The following ATP6V0A4 variants were observed in gnomAD, a reference collection of about 807,000 sequenced individuals.
ATP6V0A4 encodes the protein ATPase H+ transporting V0 subunit a4, also known as V-type proton ATPase 116 kDa subunit a 4.
A neutral mutation model predicts 107.3 loss-of-function variants in ATP6V0A4; 86 were observed. The ratio of observed to expected loss-of-function variants is 0.80; its 90% CI spans 0.67 to 0.96. The LOEUF (loss-of-function observed/expected upper bound fraction) is 0.96, where lower values mean the gene tolerates loss of function less well. ATP6V0A4 is among the 40% of genes least tolerant of loss of function. The pLI is 0.00. For missense variants in ATP6V0A4, 908 were observed against 1,045.6 expected (o/e 0.87, Z 1.81); for synonymous variants, 353 against 381.4 (o/e 0.93, Z 0.87).
At chr7:138,760,775 C>G (rs902656492) in intron 7 of ATP6V0A4, among the ~76,000 whole-genome samples, 1 of 152,008 alleles carries the variant, frequency 6.6e-6, no homozygotes, top group Non-Finnish European at 1.5e-5. Flanking sequence ...AAATATCAGG[C>G]CCTCAAATAT....
intron 15 of ATP6V0A4, among the ~76,000 whole-genome samples, chr7:138,738,672 A>G (rs903762740): frequency 1.3e-5 from 2 of 152,196 alleles, no homozygotes; most frequent in African/African-American, 4.8e-5. Context: ...ATGTTTTTAT[A>G]AGGGCAGGGA....
chr7:138,762,359 A>T lies in ATP6V0A4; in HGVS notation c.493T>A (p.Tyr165Asn), dbSNP rs777658246. 6.2e-7 allele frequency: 1 copy of T among 1,614,194 alleles called. No homozygotes were observed. Among genetic ancestry groups the T allele is most frequent in the Admixed American group, 1.7e-5 (1 of 60,016 alleles). ...GLLELKAVPAYMTGKLGFIAG... is the reference protein window; with the variant it reads ...GLLELKAVPANMTGKLGFIAG... ...ACTAACCCCAACTTTCCGGTCATAT[A>T]TGCAGGCACTGCTTTCAACTCCAGG... Residue 165 changes from tyrosine to asparagine, a missense_variant, in exon 7 of 22, where the codon TAT becomes AAT. Tyr to Asn is a moderately radical substitution (Grantham distance 143). Transcript: ENST00000310018.
intron 13 of ATP6V0A4, among the ~76,000 whole-genome samples, chr7:138,745,669 A>AAAAAAAAAAAAAAAAAAAAAAAAAAAC (rs1805885225): frequency 1.4e-5 from 2 of 141,376 alleles, no homozygotes; most frequent in East Asian, 2.2e-4. Flanking sequence ...AAAAAAAAAA[A>AAAAAAAAAAAAAAAAAAAAAAAAAAAC]AAGGCCGGGT....
At chr7:138,733,922 A>T (rs554161532) in intron 16 of ATP6V0A4, among the ~76,000 whole-genome samples, 2 of 152,072 alleles carry the variant, frequency 1.3e-5, no homozygotes, top group African/African-American at 4.8e-5. Context: ...CCAGAGGAGC[A>T]CTTACCTTGG....
intron 18 of ATP6V0A4, among the ~76,000 whole-genome samples, chr7:138,723,528 T>TC (rs1804546906): frequency 2.6e-5 from 2 of 75,904 alleles, no homozygotes; most frequent in South Asian, 6.7e-4. Context: ...CTTTTCTTTT[T>TC]TTTTTTTTTT....
In ATP6V0A4 at chr7:138,752,782, T is replaced by G. The variant is rs761020690; in HGVS notation, c.872A>C (p.Asn291Thr). 3 of 1,614,198 alleles carry G rather than the reference T, an allele frequency of 1.9e-6. No homozygotes were observed. The Admixed American group carries it at 5.0e-5, about 27-fold the overall frequency. The change falls in exon 11 of 22, where the codon AAC becomes ACC. Residue 291 changes from asparagine (N) to threonine (T), a missense_variant. Transcript: ENST00000310018. ...RQRLLQEAAA[N>T]WHSWLIKVQK... is the part of the protein sequence containing the mutation. ...CACCTTGATGAGCCAGGAGTGCCAG[T>G]TGGCAGCGGCTTCCTGCAGCAGGCG...
rs963239236 is a variant in ATP6V0A4, at chr7:138,725,600, C to T, written c.2010+3161G>A. On this transcript the variant is annotated intron_variant, in intron 18 of 21. Transcript: ENST00000310018. The stretch of plus-strand genomic sequence containing the variant: ...CGATCTCAGCTCACTGCCATCTCCA[C>T]CTCTCAGGTTCAAGCAATTCTCCTG... Among the ~76,000 whole-genome samples, 6 of 152,194 alleles carry T rather than the reference C, an allele frequency of 3.9e-5. No homozygotes were observed. The East Asian group carries it at 9.7e-4, about 25-fold the overall frequency.
chr7:138,747,871 C>A (rs1388734276), intron 12 of ATP6V0A4, among the ~76,000 whole-genome samples: 2 of 152,152 alleles, frequency 1.3e-5, no homozygotes, highest in Non-Finnish European at 2.9e-5. Flanking sequence ...CCTCCCACCT[C>A]AGCCTCTTGA....
intron 2 of ATP6V0A4, among the ~76,000 whole-genome samples, chr7:138,782,982 G>C (rs563476048): frequency 1.4e-4 from 21 of 152,294 alleles, no homozygotes; most frequent in Middle Eastern, 6.8e-3. Flanking sequence ...GGCTGAGGAA[G>C]GAGAATTGCT....
At chr7:138,774,950 ATTTC>A (rs1807590641) in intron 2 of ATP6V0A4, among the ~76,000 whole-genome samples, 1 of 151,900 alleles carries the variant, frequency 6.6e-6, no homozygotes, top group East Asian at 1.9e-4. Context: ...GTCTTTTCCT[ATTTC>A]TTTGACAGAG....
chr7:138,743,872 C>A (rs1805767771), intron 14 of ATP6V0A4, among the ~76,000 whole-genome samples: 1 of 152,154 alleles, frequency 6.6e-6, no homozygotes, highest in African/African-American at 2.4e-5. Context: ...AGATCACCCC[C>A]AAAATCAAGA....
chr7:138,789,091 C>T (rs1168814097), intron 1 of ATP6V0A4, among the ~76,000 whole-genome samples: 1 of 152,138 alleles, frequency 6.6e-6, no homozygotes, highest in Non-Finnish European at 1.5e-5. Flanking sequence ...TCTTTCTAGT[C>T]TTCTTTGTGT....
In ATP6V0A4 at chr7:138,745,239, A is replaced by C. The variant is rs1439251421; in HGVS notation, c.1362T>G (p.Leu454=). The C allele has an allele frequency of 6.2e-7, 1 of 1,613,566 alleles. No homozygotes were observed. The highest frequency in any genetic ancestry group is 1.3e-5 in the African/African-American group (1 of 74,736). ...TFFHGRYLIL[L]MGIFSIYTGL... ...CCGTGTAGATGGAGAAGATGCCCAT[A>C]AGTAGGATCAGATAGCGCCCGTGGA... The change falls in exon 14 of 22, where the codon CTT becomes CTG. Residue 454 remains leucine (L), a synonymous_variant. Transcript: ENST00000310018.
intron 15 of ATP6V0A4, among the ~76,000 whole-genome samples, chr7:138,735,444 C>T (rs555220340): frequency 6.6e-6 from 1 of 152,328 alleles, no homozygotes; most frequent in East Asian, 1.9e-4. Context: ...AAGGGGCCAA[C>T]ATCCAACCAG....
chr7:138,798,114 C>A lies in ATP6V0A4; in HGVS notation c.-201G>T. 6.3e-7 allele frequency: 1 copy of A among 1,598,908 alleles called. No individual in the cohort carries two copies. Among genetic ancestry groups the A allele is most frequent in the East Asian group, 2.3e-5 (1 of 44,142 alleles). ...CAGCACAGCCTCCAGCATGCAGCGCCTCCCCGCTGCCACCCGGGCCACCCT... is the reference window on the plus strand; with the variant it reads ...CAGCACAGCCTCCAGCATGCAGCGCATCCCCGCTGCCACCCGGGCCACCCT... On this transcript the variant is annotated 5_prime_UTR_variant, in exon 1 of 22. In the 5' UTR this introduces an upstream ATG that the reference lacks. Coordinates refer to ENST00000310018, the MANE Select transcript of ATP6V0A4 (RefSeq NM_020632.3).
At position 138,756,478 on chromosome 7, in the gene ATP6V0A4, T is replaced by C; in HGVS notation, c.702A>G (p.Lys234=). The change falls in exon 9 of 22, where the codon AAA becomes AAG. Residue 234 remains lysine, a synonymous_variant. Transcript: ENST00000310018. The part of the protein sequence containing the change: ...IFYQGEQLRQ[K]IKKICDGFRA... ...CTTACCCATCACAGATCTTCTTGAT[T>C]TTCTGCCTGAGCTGCTCTCCTTGGT... 1 of 1,613,764 alleles carries C rather than the reference T, an allele frequency of 6.2e-7. No individual in the cohort carries two copies. Among genetic ancestry groups the C allele is most frequent in the African/African-American group, 1.3e-5 (1 of 75,036 alleles).
At chr7:138,711,689 C>T (rs558631802) in intron 20 of ATP6V0A4, among the ~76,000 whole-genome samples, 43 of 152,280 alleles carry the variant, frequency 2.8e-4, no homozygotes, top group South Asian at 1.7e-3. Flanking sequence ...GGGTTAGACC[C>T]GTACCTGAGA....
At chr7:138,735,445 A>T (rs955444089) in intron 15 of ATP6V0A4, among the ~76,000 whole-genome samples, 1 of 152,164 alleles carries the variant, frequency 6.6e-6, no homozygotes, top group Admixed American at 6.6e-5. Context: ...AGGGGCCAAC[A>T]TCCAACCAGA....
At chr7:138,724,146 C>T (rs1051276564) in intron 18 of ATP6V0A4, among the ~76,000 whole-genome samples, 8 of 144,946 alleles carry the variant, frequency 5.5e-5, no homozygotes, top group African/African-American at 1.3e-4. Flanking sequence ...GCAGTGTTTG[C>T]GCCACTGCAC....
Sources: gnomAD v4.1 joint callset for allele counts (sites outside exome capture counted in the v4.1 genomes callset) on GRCh38, gnomAD v4.1.1 for gene constraint, MANE v1.5 for transcripts, NCBI Gene and HGNC (gene_info 2026-07-23, HGNC 2026-07-21) for gene names.